LIN54: variants seen among roughly 807,000 people sequenced by gnomAD.
LIN54 encodes lin-54 DREAM MuvB core complex component, also known as protein lin-54 homolog.
LIN54 carries 9 observed loss-of-function variants against 78.7 expected under a neutral mutation model. That is an observed-to-expected ratio of 0.11 (90% CI 0.07 to 0.20). The LOEUF (loss-of-function observed/expected upper bound fraction) is 0.20, where lower values mean the gene tolerates loss of function less well. Ranked by LOEUF, LIN54 falls within the 10% of genes least tolerant of loss-of-function variation. The pLI is 1.00. For synonymous variants in LIN54, 269 were observed against 318.4 expected (o/e 0.84, Z 1.65); for missense variants, 573 against 889.9 (o/e 0.64, Z 4.53).
chr4:82,937,280 CGACTCT>C lies in LIN54; in HGVS notation c.1545_1550del (p.Glu516_Ser517del). On this transcript the variant is annotated inframe_deletion, in exon 9 of 13. Transcript: ENST00000340417. ...TACAGGGCTTTCGGGGCCGACTGGC[CGACTCT>C]GATGGGATTATGCTGTACAGATAGA... 1 of 1,591,032 alleles carries C rather than the reference CGACTCT, an allele frequency of 6.3e-7. No homozygotes were observed. Among genetic ancestry groups the C allele is most frequent in the Non-Finnish European group, 8.6e-7 (1 of 1,159,352 alleles).
In LIN54 at chr4:82,937,275, C is replaced by A; in HGVS notation, c.1556G>T (p.Ser519Ile). 6.3e-7 allele frequency: 1 copy of A among 1,589,632 alleles called. No homozygotes were observed. Among genetic ancestry groups the A allele is most frequent in the Non-Finnish European group, 8.6e-7 (1 of 1,157,750 alleles). Residue 519 changes from serine (S) to isoleucine (I), a missense_variant, in exon 9 of 13, where the codon AGT (serine) becomes ATT (isoleucine). Ser to Ile is a moderately radical substitution (Grantham distance 142). This residue lies in a region of LIN54 where 101 missense variants were observed against 194.2 expected (regional missense o/e 0.52). Transcript: ENST00000340417. The stretch of plus-strand genomic sequence containing the variant: ...ACAATTACAGGGCTTTCGGGGCCGA[C>A]TGGCCGACTCTGATGGGATTATGCT... ...FNGIIPSESA[S>I]RPRKPCNCTK... is the part of the protein sequence containing the mutation.
chr4:82,964,417 G>C (rs577757232), intron 4 of LIN54, among the ~76,000 whole-genome samples: 1 of 152,230 alleles, frequency 6.6e-6, no homozygotes, highest in Admixed American at 6.5e-5. Context: ...AACAAGTATT[G>C]AAAGTGGGAA....
chr4:82,995,043 C>T (rs1728073636), intron 1 of LIN54, among the ~76,000 whole-genome samples: 1 of 152,056 alleles, frequency 6.6e-6, no homozygotes, highest in Non-Finnish European at 1.5e-5. Flanking sequence ...GTAATCCCAA[C>T]ACTCTGGGAG....
chr4:82,978,200 GTGA>G (rs1726328083), intron 3 of LIN54, among the ~76,000 whole-genome samples: 1 of 152,202 alleles, frequency 6.6e-6, no homozygotes, highest in South Asian at 2.1e-4. Flanking sequence ...ATAGTGATTG[GTGA>G]TGACAAATTT....
chr4:82,978,842 A>G (rs1257773665), intron 3 of LIN54, 41 bp downstream of exon 3: 1 of 1,263,706 alleles, frequency 7.9e-7, no homozygotes, highest in East Asian at 2.4e-5. Context: ...ATCTAAAAGG[A>G]AGATAAATAT....
At position 82,941,472 on chromosome 4, in the gene LIN54, A is replaced by C. The variant is rs1335048670; in HGVS notation, c.1169-1510T>G. ...AATGTTAGGGTAGGACTCTGTATTT[A>C]ATCTGTATTTTTAATTCAGTACGCA... On this transcript the variant is annotated intron_variant, in intron 5 of 12. Transcript: ENST00000340417. 4.6e-5 allele frequency among the ~76,000 whole-genome samples: 7 copies of C among 152,316 alleles called. No homozygotes were observed. In the East Asian group the frequency reaches 1.3e-3, roughly 29 times the overall value.
chr4:82,983,071 G>A (rs12505889), intron 2 of LIN54, among the ~76,000 whole-genome samples: 3,626 of 149,098 alleles, frequency 0.024, 62 homozygotes, highest in Non-Finnish European at 0.041. Flanking sequence ...GCAATGGCGC[G>A]ATCTCGGCTC....
At chr4:82,969,142 C>G (rs908017242) in intron 4 of LIN54, among the ~76,000 whole-genome samples, 2 of 152,156 alleles carry the variant, frequency 1.3e-5, no homozygotes, top group Non-Finnish European at 2.9e-5. Flanking sequence ...TCCTGAAAGA[C>G]CACACTTTTA....
intron 8 of LIN54, among the ~76,000 whole-genome samples, 183 bp downstream of exon 8, chr4:82,938,230 G>C (rs1722545900): frequency 6.6e-6 from 1 of 152,150 alleles, no homozygotes; most frequent in Non-Finnish European, 1.5e-5. Flanking sequence ...TCTGAATAGA[G>C]TATTTGGGAA....
rs145365808 is a variant in LIN54 at position 82,961,728 on chromosome 4, G to A, written c.951+8599C>T. On this transcript the variant is annotated intron_variant, in intron 4 of 12. Coordinates refer to ENST00000340417, the MANE Select transcript of LIN54 (RefSeq NM_194282.4). ...CCAGCACTGACAGGCTGAAGCGGGC[G>A]GATCACCTGAGGTCAGGAGTTTGAG... 1.4e-3 allele frequency among the ~76,000 whole-genome samples: 218 copies of A among 152,242 alleles called. 1 individual carries two copies. Among genetic ancestry groups the A allele is most frequent in the South Asian group, 4.3e-3 (21 of 4,832 alleles).
At chr4:82,985,545 A>C (rs541936291) in intron 1 of LIN54, among the ~76,000 whole-genome samples, 24 of 152,114 alleles carry the variant, frequency 1.6e-4, no homozygotes, top group East Asian at 5.8e-4. Flanking sequence ...TACTTACTTA[A>C]TTAATTAATT....
chr4:82,940,009 A>G (rs187571487), intron 5 of LIN54, 47 bp from the exon 6 acceptor site: 627 of 1,349,966 alleles, frequency 4.6e-4, no homozygotes, highest in Admixed American at 6.4e-4. Flanking sequence ...TACAGAAAAT[A>G]GTATTTAAAA....
chr4:82,978,743 A>G (rs188764903), intron 3 of LIN54, 140 bp downstream of exon 3: 148 of 491,700 alleles, frequency 3.0e-4, no homozygotes, highest in African/African-American at 2.5e-3. Context: ...TGCTTGAAGC[A>G]AACACTTCTT....
upstream of LIN54, chr4:83,010,922 A>C: frequency 3.0e-5 from 28 of 932,112 alleles, no homozygotes; most frequent in East Asian, 7.6e-5. Context: ...CCAACCTTCA[A>C]ACGCACAAGG....
At chr4:82,953,639 GC>G (rs771888161) in intron 4 of LIN54, among the ~76,000 whole-genome samples, 22 of 152,126 alleles carry the variant, frequency 1.4e-4, no homozygotes, top group Admixed American at 9.8e-4. Context: ...CACTTTGCAA[GC>G]TAAGTTATGA....
At chr4:82,942,084 C>T (rs550696181) in intron 5 of LIN54, among the ~76,000 whole-genome samples, 38 of 152,058 alleles carry the variant, frequency 2.5e-4, no homozygotes, top group South Asian at 2.5e-3. Context: ...CTGAACAAAA[C>T]GAAAAAGAAT....
At chr4:82,994,328 T>C (rs184378516) in intron 1 of LIN54, among the ~76,000 whole-genome samples, 8 of 152,212 alleles carry the variant, frequency 5.3e-5, no homozygotes, top group African/African-American at 1.7e-4. Context: ...TTCTCATCAT[T>C]TGAAATTAGA....
At chr4:82,940,590 G>C (rs984125714) in intron 5 of LIN54, among the ~76,000 whole-genome samples, 1 of 152,134 alleles carries the variant, frequency 6.6e-6, no homozygotes, top group African/African-American at 2.4e-5. Flanking sequence ...ACTGGGTTCT[G>C]CCATGTTGGC....
Position 82,926,206 on chromosome 4 carries a change from AAATG to A in LIN54, c.*1892_*1895del, listed in dbSNP as rs1721455751. The A allele has an allele frequency of 6.6e-6, 1 of 152,618 alleles. No homozygotes were observed. The highest frequency in any genetic ancestry group is 2.4e-5 in the African/African-American group (1 of 41,458). 9.5% of individuals were successfully genotyped at this position (152,618 alleles called of 1,614,324 possible). On this transcript the variant is annotated 3_prime_UTR_variant, in exon 13 of 13. Transcript: ENST00000340417. ...TTAGAATTAACACAGAGTATGTACA[AAATG>A]AACAAAGTTTAAGTTTAGACCAAAA...
Sources: gnomAD v4.1 joint callset for allele counts (sites outside exome capture counted in the v4.1 genomes callset) on GRCh38, gnomAD v4.1.1 for gene constraint, gnomAD v4.1.1 regional missense constraint, MANE v1.5 for transcripts, NCBI Gene and HGNC (gene_info 2026-07-23, HGNC 2026-07-21) for gene names.